The following TMEFF2 variants were observed in gnomAD, a reference collection of about 807,000 sequenced individuals.
The protein encoded by TMEFF2 is transmembrane protein with EGF like and two follistatin like domains 2.
In TMEFF2, 28 loss-of-function variants were observed where a neutral mutation model predicts 53.8. That is an observed-to-expected ratio of 0.52 (90% confidence interval 0.39 to 0.71). The LOEUF is 0.71. TMEFF2 is among the 30% of genes least tolerant of loss of function. The pLI is 0.00. For missense variants in TMEFF2, 353 were observed against 455.2 expected (o/e 0.78, Z 2.04); for synonymous variants, 162 against 166.3 (o/e 0.97, Z 0.20).
chr2:192,081,327 T>A (rs1465159752), intron 4 of TMEFF2, among the ~76,000 whole-genome samples: 1 of 151,974 alleles, frequency 6.6e-6, no homozygotes, highest in African/African-American at 2.4e-5. Context: ...GGCATGAAAA[T>A]TTGTTTCATA....
At chr2:192,054,944 T>A (rs1057452767) in intron 5 of TMEFF2, among the ~76,000 whole-genome samples, 9 of 152,022 alleles carry the variant, frequency 5.9e-5, no homozygotes, top group African/African-American at 2.2e-4. Context: ...CAACCAATAA[T>A]TTTCAGCTGC....
intron 4 of TMEFF2, among the ~76,000 whole-genome samples, chr2:192,163,887 G>A (rs1421287894): frequency 6.6e-6 from 1 of 151,896 alleles, no homozygotes; most frequent in Non-Finnish European, 1.5e-5. Context: ...TAACATTTTT[G>A]TTCACACCAA....
chr2:192,153,605 C>A (rs1033790550), intron 4 of TMEFF2, among the ~76,000 whole-genome samples: 5 of 151,982 alleles, frequency 3.3e-5, no homozygotes, highest in Non-Finnish European at 7.4e-5. Flanking sequence ...TTAAAATCAA[C>A]ACTCAGACAC....
intron 5 of TMEFF2, among the ~76,000 whole-genome samples, 182 bp downstream of exon 5, chr2:192,057,497 T>G (rs912924651): frequency 6.6e-6 from 1 of 152,208 alleles, no homozygotes; most frequent in Non-Finnish European, 1.5e-5. Context: ...GATAGCTGCT[T>G]GGCTGGCCCA....
At chr2:191,982,510 A>AG (rs1271624571) in intron 7 of TMEFF2, among the ~76,000 whole-genome samples, 1 of 151,558 alleles carries the variant, frequency 6.6e-6, no homozygotes, top group Non-Finnish European at 1.5e-5. Flanking sequence ...CAGGCAAAAA[A>AG]AAAAAAAAAG....
chr2:192,088,400 T>C (rs1380963875), intron 4 of TMEFF2, among the ~76,000 whole-genome samples: 1 of 152,084 alleles, frequency 6.6e-6, no homozygotes, highest in African/African-American at 2.4e-5. Context: ...TTTTAGCTGA[T>C]GGAGTGTCTG....
rs368130678 is a variant in TMEFF2 at position 192,037,616 on chromosome 2, AAGAG to A, written c.536+20059_536+20062del. On this transcript the variant is annotated intron_variant, in intron 5 of 9. Coordinates refer to ENST00000272771, the MANE Select transcript of TMEFF2 (RefSeq NM_016192.4). ...TGTGTTTGTGCGTGTGTGAGAGAGA[AAGAG>A]AGAGAGGAGAGAAAGAGAGAGAAAG... 8.6e-3 allele frequency among the ~76,000 whole-genome samples: 923 copies of A among 107,618 alleles called. 8 individuals are homozygous for A. Among genetic ancestry groups the A allele is most frequent in the African/African-American group, 0.016 (508 of 32,292 alleles). The allele number at this position is 107,618 out of a possible 152,430, so 70.6% of individuals were successfully genotyped here.
At chr2:192,021,338 A>G (rs1230780000) in intron 5 of TMEFF2, among the ~76,000 whole-genome samples, 1 of 152,208 alleles carries the variant, frequency 6.6e-6, no homozygotes, top group Non-Finnish European at 1.5e-5. Context: ...TTAGATAAGT[A>G]TAGAAATTAA....
At chr2:191,970,184 A>G (rs976246764) in intron 7 of TMEFF2, among the ~76,000 whole-genome samples, 1 of 152,104 alleles carries the variant, frequency 6.6e-6, no homozygotes. Context: ...ACACAGTAAT[A>G]CCAATGAGCA....
intron 7 of TMEFF2, among the ~76,000 whole-genome samples, chr2:191,981,228 C>T (rs1045063655): frequency 1.3e-5 from 2 of 152,148 alleles, no homozygotes; most frequent in African/African-American, 4.8e-5. Context: ...CCAGTTGCTC[C>T]ACTTTTTCAT....
intron 5 of TMEFF2, among the ~76,000 whole-genome samples, chr2:192,003,924 T>TGGGGGGG (rs762519094): frequency 1.0e-5 from 1 of 98,546 alleles, no homozygotes. Flanking sequence ...TTTGTGTGTG[T>TGGGGGGG]GTGTGGGGGG....
intron 4 of TMEFF2, among the ~76,000 whole-genome samples, chr2:192,077,995 A>G (rs1688472564): frequency 6.6e-6 from 1 of 152,156 alleles, no homozygotes; most frequent in Non-Finnish European, 1.5e-5. Flanking sequence ...AACAGTGCAC[A>G]TTCATTTAAA....
chr2:192,001,852 T>C (rs1168402386), intron 5 of TMEFF2, among the ~76,000 whole-genome samples: 1 of 152,180 alleles, frequency 6.6e-6, no homozygotes, highest in African/African-American at 2.4e-5. Context: ...GTCTTGGGTA[T>C]GTCTTTATCA....
chr2:192,106,756 G>GA (rs746113491), intron 4 of TMEFF2, among the ~76,000 whole-genome samples: 3 of 151,628 alleles, frequency 2.0e-5, no homozygotes, highest in Non-Finnish European at 4.4e-5. Context: ...CTCACAAATA[G>GA]AAAAAATAAA....
Position 192,062,061 on chromosome 2 carries a change from A to G in TMEFF2, c.440-4286T>C, listed in dbSNP as rs150715769. Among the ~76,000 whole-genome samples, 794 of 105,166 alleles carry G rather than the reference A, an allele frequency of 7.5e-3. 6 individuals carry two copies. Among genetic ancestry groups the G allele is most frequent in the African/African-American group, 0.026 (752 of 29,064 alleles). The allele number at this position is 105,166 out of a possible 152,430, so 69.0% of individuals were successfully genotyped here. A position where few individuals can be genotyped will look rare whatever the true frequency, so the allele number is the denominator to read the frequency against. ...TCCTTTAGAGCAATGCAAATGGACT[A>G]ACTCAGTAGCCTTTAATTAGTGTTG... is the stretch of plus-strand genomic sequence containing the variant. On this transcript the variant is annotated intron_variant, in intron 4 of 9. Coordinates refer to ENST00000272771, the MANE Select transcript of TMEFF2 (RefSeq NM_016192.4).
Position 191,964,323 on chromosome 2 carries a change from C to T in TMEFF2, c.746-7945G>A, listed in dbSNP as rs149964257. On this transcript the variant is annotated intron_variant, in intron 7 of 9. Coordinates refer to ENST00000272771, the MANE Select transcript of TMEFF2 (RefSeq NM_016192.4). ...TCTTTCCTTCTTTCTTTCCTTCCTTCCTTTCTTTCCTTCTTTCTTTCTTTC... is the reference window on the plus strand; with the variant it reads ...TCTTTCCTTCTTTCTTTCCTTCCTTTCTTTCTTTCCTTCTTTCTTTCTTTC... Among the ~76,000 whole-genome samples, 136 of 122,418 alleles carry T rather than the reference C, an allele frequency of 1.1e-3. 4 individuals carry two copies. The highest frequency in any genetic ancestry group is 4.4e-3 in the African/African-American group (123 of 27,642). The allele number at this position is 122,418 out of a possible 152,430, so 80.3% of individuals were successfully genotyped here.
At chr2:192,076,666 C>G (rs1688439350) in intron 4 of TMEFF2, among the ~76,000 whole-genome samples, 1 of 152,150 alleles carries the variant, frequency 6.6e-6, no homozygotes, top group South Asian at 2.1e-4. Context: ...AATTCACTCC[C>G]TTGCCCACCC....
rs897810071 is a variant in TMEFF2 at position 192,194,581 on chromosome 2, G to A, written c.-57C>T. 6.3e-6 allele frequency: 10 copies of A among 1,579,298 alleles called. No homozygotes were observed. The highest frequency in any genetic ancestry group is 8.6e-6 in the Non-Finnish European group (10 of 1,157,582). On this transcript the variant is annotated 5_prime_UTR_variant, in exon 1 of 10. Transcript: ENST00000272771. This position sits in a 1 kb window ranked among gnomAD's most constrained non-coding sequence, Gnocchi z 4.2. ...GGCTTCCGAGGAACACAGGATCGCG[G>A]GGGCCGGGCAGCGGGCTACTGAGCA...
intron 7 of TMEFF2, 130 bp downstream of exon 7, chr2:191,998,132 T>C: frequency 3.0e-6 from 2 of 677,174 alleles, no homozygotes; most frequent in South Asian, 2.2e-5. Flanking sequence ...AAGCTTGAAC[T>C]AAGCAAGAGA....
Sources: gnomAD v4.1 joint callset for allele counts (sites outside exome capture counted in the v4.1 genomes callset) on GRCh38, gnomAD v4.1.1 for gene constraint, Gnocchi (gnomAD v3.1) non-coding constraint, MANE v1.5 for transcripts, NCBI Gene and HGNC (gene_info 2026-07-23, HGNC 2026-07-21) for gene names.